Variants in TNFRSF8 observed in about 807,000 individuals in gnomAD.
TNFRSF8 encodes the protein tumor necrosis factor receptor superfamily member 8.
In TNFRSF8, 26 loss-of-function variants were observed where a neutral mutation model predicts 70.8. The observed-to-expected ratio is 0.37, with a 90% CI of 0.27 to 0.51. TNFRSF8 has a LOEUF of 0.51. TNFRSF8 is among the 20% of genes least tolerant of loss of function. The probability of loss-of-function intolerance (pLI) is 0.94; values close to 1 mark genes in which losing one functional copy is unlikely to be tolerated. For synonymous variants in TNFRSF8, 356 were observed against 339.2 expected (o/e 1.05, Z -0.54); for missense variants, 720 against 807.9 (o/e 0.89, Z 1.32).
chr1:12,067,620 C>T (rs558780869), intron 1 of TNFRSF8, among the ~76,000 whole-genome samples: 7 of 151,452 alleles, frequency 4.6e-5, no homozygotes, highest in African/African-American at 1.2e-4. Context: ...AACCAGAAGG[C>T]GGAGGTTGCA....
chr1:12,109,545 G>C lies in TNFRSF8; in HGVS notation c.422-21G>C, dbSNP rs781661448. 2 of 1,606,832 alleles carry C rather than the reference G, an allele frequency of 1.2e-6. No individual in the cohort carries two copies. Among genetic ancestry groups the C allele is most frequent in the Non-Finnish European group, 1.7e-6 (2 of 1,174,322 alleles). ...TGGGTCCCCAACACTGATTCTGAAGGCACTGCTGTCCCCCCTGCAGGCACG... is the reference window on the plus strand; with the variant it reads ...TGGGTCCCCAACACTGATTCTGAAGCCACTGCTGTCCCCCCTGCAGGCACG... On this transcript the variant is annotated intron_variant, in intron 4 of 14. Coordinates refer to ENST00000263932, the MANE Select transcript of TNFRSF8 (RefSeq NM_001243.5). This position sits in a 1 kb window ranked among gnomAD's most constrained non-coding sequence, Gnocchi z 4.4.
rs1286580589 is a variant in TNFRSF8, at chr1:12,119,203, A to G, written c.946+3474A>G. Among the ~76,000 whole-genome samples, 3 of 152,074 alleles carry G rather than the reference A, an allele frequency of 2.0e-5. No homozygotes were observed. The highest frequency in any genetic ancestry group is 7.2e-5 in the African/African-American group (3 of 41,414). ...GCTCCTGCTGCCTGGCCTGGTGACCACCTTGATGTGGCTCTCCCAATGCAG... is the reference window on the plus strand; with the variant it reads ...GCTCCTGCTGCCTGGCCTGGTGACCGCCTTGATGTGGCTCTCCCAATGCAG... On this transcript the variant is annotated intron_variant, in intron 8 of 14. Transcript: ENST00000263932. This position sits in a 1 kb window ranked among gnomAD's most constrained non-coding sequence, Gnocchi z 4.4.
intron 12 of TNFRSF8, among the ~76,000 whole-genome samples, chr1:12,130,149 C>T (rs1398650800): frequency 3.3e-5 from 5 of 152,206 alleles, no homozygotes; most frequent in African/African-American, 4.8e-5. Flanking sequence ...CTCAAGTGGT[C>T]CTCCCGCCTC....
chr1:12,117,523 C>T (rs1055857276), intron 8 of TNFRSF8, among the ~76,000 whole-genome samples: 1 of 152,136 alleles, frequency 6.6e-6, no homozygotes, highest in Non-Finnish European at 1.5e-5. Flanking sequence ...TAGCCACACC[C>T]CATCACCCTG....
intron 12 of TNFRSF8, among the ~76,000 whole-genome samples, chr1:12,133,513 G>A (rs185414983): frequency 2.0e-5 from 3 of 151,936 alleles, no homozygotes; most frequent in Middle Eastern, 3.4e-3. Flanking sequence ...AGGCCGAGGC[G>A]GGTGGATCAC....
intron 8 of TNFRSF8, 90 bp from the exon 9 acceptor site, chr1:12,123,194 C>CT: frequency 8.7e-7 from 1 of 1,152,632 alleles, no homozygotes. Flanking sequence ...TGTTGCCTCG[C>CT]TGGAAGCCAC....
chr1:12,116,682 C>T (rs768012873), intron 8 of TNFRSF8, among the ~76,000 whole-genome samples: 22 of 152,144 alleles, frequency 1.4e-4, no homozygotes, highest in Non-Finnish European at 2.5e-4. Context: ...GCACCGTAGT[C>T]CCAGCTACTC....
chr1:12,074,966 AT>A (rs1342883937), intron 1 of TNFRSF8, among the ~76,000 whole-genome samples: 8 of 152,100 alleles, frequency 5.3e-5, no homozygotes, highest in Admixed American at 4.6e-4. Context: ...TTAAAAAAAA[AT>A]TTTGTTAGGC....
intron 2 of TNFRSF8, among the ~76,000 whole-genome samples, 167 bp downstream of exon 2, chr1:12,084,718 G>T (rs755429065): frequency 6.7e-6 from 1 of 150,206 alleles, no homozygotes; most frequent in Non-Finnish European, 1.5e-5. Flanking sequence ...GGACTCTCTC[G>T]GAAGGCTAGG....
At chr1:12,082,558 A>T (rs1471132317) in intron 1 of TNFRSF8, among the ~76,000 whole-genome samples, 1 of 151,052 alleles carries the variant, frequency 6.6e-6, no homozygotes, top group Non-Finnish European at 1.5e-5. Flanking sequence ...TCAAAAAAAA[A>T]AAAAACAAAA....
intron 1 of TNFRSF8, among the ~76,000 whole-genome samples, chr1:12,067,892 C>T (rs966711032): frequency 2.9e-4 from 3 of 10,170 alleles, no homozygotes; most frequent in East Asian, 1.7e-3. Flanking sequence ...GAGGCAAGGA[C>T]GGCGGGGGGG....
chr1:12,071,859 G>A (rs1162453089), intron 1 of TNFRSF8, among the ~76,000 whole-genome samples: 1 of 152,074 alleles, frequency 6.6e-6, no homozygotes, highest in Non-Finnish European at 1.5e-5. Flanking sequence ...CACCATGCCA[G>A]CTAATTTTTG....
chr1:12,133,400 A>G (rs1367979475), intron 12 of TNFRSF8, among the ~76,000 whole-genome samples: 2 of 152,044 alleles, frequency 1.3e-5, no homozygotes, highest in Non-Finnish European at 1.5e-5. Flanking sequence ...GTAAAACTCA[A>G]AATCACTCTG....
At position 12,108,341 on chromosome 1, in the gene TNFRSF8, G is replaced by A. The variant is rs549203062; in HGVS notation, c.422-1225G>A. On this transcript the variant is annotated intron_variant, in intron 4 of 14. Coordinates refer to ENST00000263932, the MANE Select transcript of TNFRSF8 (RefSeq NM_001243.5). This position sits in a 1 kb window ranked among gnomAD's most constrained non-coding sequence, Gnocchi z 4.0. Reference sequence around the variant, plus strand: ...GATCCGCCCACCTCGGCCTCCCAAAGTGTTGGGATTACAGGTGTGAGCCAC... The same window carrying A: ...GATCCGCCCACCTCGGCCTCCCAAAATGTTGGGATTACAGGTGTGAGCCAC... 2.0e-5 allele frequency among the ~76,000 whole-genome samples: 3 copies of A among 151,750 alleles called. No homozygotes were observed. The highest frequency in any genetic ancestry group is 7.3e-5 in the African/African-American group (3 of 41,342).
In TNFRSF8 at chr1:12,142,825, G is replaced by T; in HGVS notation, c.*294G>T. ...TGAGGCAGCAAACAGATGGCAGGATGGGCACTGCCGAGAACAGCATTGGTC... is the reference window on the plus strand; with the variant it reads ...TGAGGCAGCAAACAGATGGCAGGATTGGCACTGCCGAGAACAGCATTGGTC... On this transcript the variant is annotated 3_prime_UTR_variant, in exon 15 of 15. Transcript: ENST00000263932. The surrounding 1 kb of genome is among the most constrained non-coding windows in gnomAD (Gnocchi z 5.0). 2.6e-6 allele frequency: 1 copy of T among 386,586 alleles called. No homozygotes were observed. The highest frequency in any genetic ancestry group is 4.7e-6 in the Non-Finnish European group (1 of 211,052). The allele number at this position is 386,586 out of a possible 1,614,324, so 23.9% of individuals were successfully genotyped here.
chr1:12,142,404 C>A lies in TNFRSF8; in HGVS notation c.1661C>A (p.Ala554Glu), dbSNP rs138958040. The change falls in exon 15 of 15, where the codon GCG (alanine) becomes GAG (glutamate). Residue 554 changes from alanine to glutamate, a missense_variant. Transcript: ENST00000263932. The surrounding 1 kb of genome is among the most constrained non-coding windows in gnomAD (Gnocchi z 5.0). ...AEPELEEELE[A>E]DHTPHYPEQE... is the part of the protein sequence containing the mutation. ...CCCGAGTTGGAGGAGGAGCTGGAGGCGGACCATACCCCCCACTACCCCGAG... is the reference window on the plus strand; with the variant it reads ...CCCGAGTTGGAGGAGGAGCTGGAGGAGGACCATACCCCCCACTACCCCGAG... 1.9e-6 allele frequency: 3 copies of A among 1,612,430 alleles called. No homozygotes were observed. The African/African-American group carries it at 4.0e-5, about 22-fold the overall frequency.
rs368460737 is a variant in TNFRSF8 at position 12,130,480 on chromosome 1, A to C, written c.1309+4244A>C. ...CCTGGAATCAGCTGCCTCTCCAAGG[A>C]GCCCGGGGTTTGCATCTCGGGGTAC... On this transcript the variant is annotated intron_variant, in intron 12 of 14. Coordinates refer to ENST00000263932, the MANE Select transcript of TNFRSF8 (RefSeq NM_001243.5). 8.5e-5 allele frequency among the ~76,000 whole-genome samples: 13 copies of C among 152,146 alleles called. 2 individuals are homozygous for C. The highest frequency in any genetic ancestry group is 6.5e-5 in the Admixed American group (1 of 15,288).
intron 9 of TNFRSF8, 133 bp downstream of exon 9, chr1:12,123,510 TG>T (rs1641872442): frequency 2.1e-6 from 2 of 966,450 alleles, no homozygotes; most frequent in Non-Finnish European, 3.0e-6. Context: ...GTTAAATGTG[TG>T]CCCATCTCTT....
At position 12,138,171 on chromosome 1, in the gene TNFRSF8, CAGAGACTGGTG is replaced by C. The variant is rs1642181942; in HGVS notation, c.1336-57_1336-47del. The stretch of plus-strand genomic sequence containing the variant: ...GAAAAAAAAAAGGGGCCTCCCAGTT[CAGAGACTGGTG>C]GGGAGGTTGGGGGTACCCTGCAGCA... On this transcript the variant is annotated intron_variant, in intron 13 of 14. Transcript: ENST00000263932. The surrounding 1 kb of genome is among the most constrained non-coding windows in gnomAD (Gnocchi z 5.7). 1 of 1,563,016 alleles carries C rather than the reference CAGAGACTGGTG, an allele frequency of 6.4e-7. No homozygotes were observed. Among genetic ancestry groups the C allele is most frequent in the East Asian group, 2.3e-5 (1 of 44,416 alleles).
Sources: gnomAD v4.1 joint callset for allele counts (sites outside exome capture counted in the v4.1 genomes callset) on GRCh38, gnomAD v4.1.1 for gene constraint, Gnocchi (gnomAD v3.1) non-coding constraint, MANE v1.5 for transcripts, NCBI Gene and HGNC (gene_info 2026-07-23, HGNC 2026-07-21) for gene names.